NALF1: variants seen among roughly 807,000 people sequenced by gnomAD.
NALF1 encodes NALCN channel auxiliary factor 1.
NALF1 carries 3 observed loss-of-function variants against 48.4 expected under a neutral mutation model. The ratio of observed to expected loss-of-function variants is 0.06; its 90% CI spans 0.03 to 0.16. The LOEUF is 0.16. NALF1 is among the 10% of genes least tolerant of loss of function. NALF1 has a pLI of 1.00. For missense variants in NALF1, 526 were observed against 571.5 expected (o/e 0.92, Z 0.81); for synonymous variants, 262 against 245.7 (o/e 1.07, Z -0.62).
At chr13:107,524,942 C>CAG (rs950886057) in intron 1 of NALF1, among the ~76,000 whole-genome samples, 16 of 150,490 alleles carry the variant, frequency 1.1e-4, no homozygotes, top group East Asian at 9.7e-4. Context: ...AACTTGTTCT[C>CAG]AGAGAGAGAG....
chr13:107,815,268 T>A (rs1173750151), intron 1 of NALF1, among the ~76,000 whole-genome samples: 2 of 151,976 alleles, frequency 1.3e-5, no homozygotes, highest in East Asian at 3.8e-4. Context: ...TGATTTTTTT[T>A]AAAACTTTTA....
intron 1 of NALF1, among the ~76,000 whole-genome samples, chr13:107,406,558 G>A (rs1207815905): frequency 1.3e-5 from 2 of 151,900 alleles, no homozygotes; most frequent in African/African-American, 4.8e-5. Flanking sequence ...TGGATTAGAA[G>A]AATCAACATT....
intron 1 of NALF1, among the ~76,000 whole-genome samples, chr13:107,746,094 A>AT (rs1429873868): frequency 6.6e-6 from 1 of 152,176 alleles, no homozygotes; most frequent in Non-Finnish European, 1.5e-5. Context: ...TGGGAGAAAT[A>AT]TTTGCCAAAG....
At chr13:107,191,421 T>C (rs887598606) in intron 2 of NALF1, among the ~76,000 whole-genome samples, 4 of 152,220 alleles carry the variant, frequency 2.6e-5, no homozygotes, top group Non-Finnish European at 5.9e-5. Flanking sequence ...ATAGTTTAGA[T>C]ATTTCCTGTC....
At chr13:107,540,584 C>T (rs970767315) in intron 1 of NALF1, among the ~76,000 whole-genome samples, 2 of 152,028 alleles carry the variant, frequency 1.3e-5, no homozygotes, top group East Asian at 1.9e-4. Flanking sequence ...CTGGATCAAT[C>T]GAAAGCTCTG....
chr13:107,284,364 A>G (rs921428030), intron 1 of NALF1, among the ~76,000 whole-genome samples: 1 of 152,182 alleles, frequency 6.6e-6, no homozygotes, highest in African/African-American at 2.4e-5. Flanking sequence ...GGAAAACAAA[A>G]CAAAACAAAT....
intron 1 of NALF1, among the ~76,000 whole-genome samples, chr13:107,402,973 T>C (rs1883834949): frequency 6.6e-6 from 1 of 152,008 alleles, no homozygotes; most frequent in Admixed American, 6.6e-5. Flanking sequence ...ACCTCAGCAA[T>C]AGATTTTTAG....
At chr13:107,469,084 A>C (rs1885054237) in intron 1 of NALF1, among the ~76,000 whole-genome samples, 1 of 152,140 alleles carries the variant, frequency 6.6e-6, no homozygotes, top group African/African-American at 2.4e-5. Context: ...TTCTAAAATG[A>C]GCTTCAGAAT....
intron 1 of NALF1, among the ~76,000 whole-genome samples, chr13:107,641,755 C>T (rs1413830760): frequency 6.6e-6 from 1 of 152,132 alleles, no homozygotes; most frequent in African/African-American, 2.4e-5. Flanking sequence ...GGCCTCACAA[C>T]CTGAACCGTG....
At chr13:107,395,034 G>C (rs1372062813) in intron 1 of NALF1, among the ~76,000 whole-genome samples, 2 of 152,124 alleles carry the variant, frequency 1.3e-5, no homozygotes, top group African/African-American at 4.8e-5. Flanking sequence ...TGCTAGGAGA[G>C]AGATGACAAT....
intron 1 of NALF1, among the ~76,000 whole-genome samples, chr13:107,726,898 C>T (rs1055822858): frequency 1.4e-5 from 2 of 140,966 alleles, no homozygotes; most frequent in African/African-American, 5.4e-5. Context: ...GACACCACGC[C>T]CGGCCGGCAA....
chr13:107,764,139 T>C (rs941153454), intron 1 of NALF1, among the ~76,000 whole-genome samples: 4 of 152,140 alleles, frequency 2.6e-5, no homozygotes, highest in African/African-American at 9.7e-5. Flanking sequence ...TGGGCATGTT[T>C]GAAGAGGAAA....
At chr13:107,454,841 A>G (rs1313072921) in intron 1 of NALF1, among the ~76,000 whole-genome samples, 1 of 152,164 alleles carries the variant, frequency 6.6e-6, no homozygotes, top group African/African-American at 2.4e-5. Context: ...CATTTAGGCT[A>G]TTTAACTGGG....
chr13:107,591,410 A>G (rs1228554227), intron 1 of NALF1, among the ~76,000 whole-genome samples: 2 of 152,038 alleles, frequency 1.3e-5, no homozygotes, highest in Admixed American at 1.3e-4. Flanking sequence ...ATCCAAACCT[A>G]TCTTTTAGAT....
At chr13:107,460,783 AAATT>A (rs1884905029) in intron 1 of NALF1, among the ~76,000 whole-genome samples, 3 of 152,220 alleles carry the variant, frequency 2.0e-5, no homozygotes, top group Admixed American at 2.0e-4. Context: ...TATCAAAACA[AAATT>A]ATTCTTAAAA....
At position 107,754,745 on chromosome 13, in the gene NALF1, A is replaced by G. The variant is rs374550265; in HGVS notation, c.915+110937T>C. ...AGATCACATAATTTTGTAATTTAAC[A>G]AGTTTAAAAAGTGTCTTTCCACATT... On this transcript the variant is annotated intron_variant, in intron 1 of 2. Coordinates refer to ENST00000375915, the MANE Select transcript of NALF1 (RefSeq NM_001080396.3). 5.3e-5 allele frequency among the ~76,000 whole-genome samples: 8 copies of G among 152,224 alleles called. No individual in the cohort carries two copies. In the East Asian group the frequency reaches 1.4e-3, roughly 26 times the overall value.
chr13:107,615,577 TG>T, intron 1 of NALF1, among the ~76,000 whole-genome samples: 1 of 152,170 alleles, frequency 6.6e-6, no homozygotes, highest in Non-Finnish European at 1.5e-5. Context: ...GGTCATAACC[TG>T]GAGTGTGTGG....
At chr13:107,579,296 G>C (rs1033239077) in intron 1 of NALF1, among the ~76,000 whole-genome samples, 4 of 152,160 alleles carry the variant, frequency 2.6e-5, no homozygotes, top group Admixed American at 2.6e-4. Flanking sequence ...TTACCATGTT[G>C]GCAAGACCGG....
chr13:107,318,929 A>T (rs948816635), intron 1 of NALF1, among the ~76,000 whole-genome samples: 37 of 152,140 alleles, frequency 2.4e-4, no homozygotes, highest in Non-Finnish European at 3.8e-4. Flanking sequence ...TTGTATGTCC[A>T]TTTATAAGTA....
Sources: gnomAD v4.1 joint callset for allele counts (sites outside exome capture counted in the v4.1 genomes callset) on GRCh38, gnomAD v4.1.1 for gene constraint, MANE v1.5 for transcripts, NCBI Gene and HGNC (gene_info 2026-07-23, HGNC 2026-07-21) for gene names.